The following TMEM187 variants were observed in gnomAD, a reference collection of about 807,000 sequenced individuals.
TMEM187 encodes chromosome X open reading frame 12.
In TMEM187, 14 loss-of-function variants were observed where a neutral mutation model predicts 11.8. The observed-to-expected ratio is 1.18, with a 90% confidence interval of 0.78 to 1.85. The LOEUF is 1.85. Ranked by LOEUF, TMEM187 falls within the 40% of genes most tolerant of loss-of-function variation. The pLI, the probability that TMEM187 is intolerant of heterozygous loss-of-function variation, is 0.00. For synonymous variants in TMEM187, 112 were observed against 118.5 expected (o/e 0.95, Z 0.36); for missense variants, 227 against 243.9 (o/e 0.93, Z 0.46).
At position 153,982,842 on chromosome X, in the gene TMEM187, G is replaced by C. The variant is rs781906782; in HGVS notation, c.780G>C (p.Thr260=). 4.1e-6 allele frequency: 5 copies of C among 1,212,133 alleles called. No homozygotes were observed. The highest frequency in any genetic ancestry group is 5.6e-6 in the Non-Finnish European group (5 of 895,619). The change falls in exon 2 of 2, where the codon ACG becomes ACC. Residue 260 remains threonine (T), a synonymous_variant. Transcript: ENST00000369982. ...HPRFHPSGGK[T]R ...GATTCCATCCCTCTGGCGGGAAGAC[G>C]CGTTGAACCCAGGGAAGAACCTGCT...
intron 1 of TMEM187, among the ~76,000 whole-genome samples, chrX:153,974,153 AC>A (rs201309140): frequency 0.012 from 1,354 of 112,058 alleles, 17 homozygotes; most frequent in African/African-American, 0.041. Context: ...GTCAGCCCGT[AC>A]CCCCGGTCAG....
At chrX:153,978,886 A>C (rs2065587978) in intron 1 of TMEM187, among the ~76,000 whole-genome samples, 2 of 110,476 alleles carry the variant, frequency 1.8e-5, no homozygotes, top group Admixed American at 9.6e-5. Context: ...TCCTGGGTTC[A>C]AGCAATTCTC....
At chrX:153,978,262 A>G (rs1477319771) in intron 1 of TMEM187, among the ~76,000 whole-genome samples, 3 of 95,556 alleles carry the variant, frequency 3.1e-5, no homozygotes, top group Non-Finnish European at 5.9e-5. Context: ...AGTGGTCTGC[A>G]TATACAGATA....
chrX:153,972,906 C>T, intron 1 of TMEM187, 46 bp downstream of exon 1: 1 of 116,804 alleles, frequency 8.6e-6, no homozygotes. Flanking sequence ...GGCCTCGCCC[C>T]CACGTTTCGC....
rs2065607819 is a variant in TMEM187, at chrX:153,982,404, G to A, written c.342G>A (p.Leu114=). The change falls in exon 2 of 2, where the codon CTG becomes CTA. Residue 114 remains leucine (L), a synonymous_variant. Transcript: ENST00000369982. ...CGCAGTGGCGCCGTGCCGCGGTGCT[G>A]GACCAGTGGCTCACACTGCCCATCT... ...LWTQWRRAAV[L]DQWLTLPIFA... The A allele has an allele frequency of 8.3e-7, 1 of 1,199,695 alleles. No homozygotes were observed. The highest frequency in any genetic ancestry group is 1.7e-5 in the African/African-American group (1 of 57,701).
intron 1 of TMEM187, among the ~76,000 whole-genome samples, chrX:153,977,676 C>T (rs2065581870): frequency 1.1e-5 from 1 of 87,178 alleles, no homozygotes; most frequent in Admixed American, 1.4e-4. Flanking sequence ...TTTGGGAGGC[C>T]GAGGCGGGCG....
intron 1 of TMEM187, among the ~76,000 whole-genome samples, chrX:153,979,217 C>T (rs782305435): frequency 2.7e-5 from 3 of 109,411 alleles, no homozygotes; most frequent in South Asian, 3.9e-4. Context: ...TGAGCCACTG[C>T]GCCTAGCTTT....
intron 1 of TMEM187, among the ~76,000 whole-genome samples, chrX:153,973,610 G>T (rs1557121023): frequency 9.0e-6 from 1 of 111,495 alleles, no homozygotes; most frequent in African/African-American, 3.3e-5. Flanking sequence ...TTGAGCCAGG[G>T]AGTTCAGGGC....
chrX:153,973,153 A>G (rs1557120934), intron 1 of TMEM187, among the ~76,000 whole-genome samples: 1 of 113,036 alleles, frequency 8.8e-6, no homozygotes, highest in Non-Finnish European at 1.9e-5. Context: ...CTTTGAAGTT[A>G]CTGAAGTTAT....
chrX:153,982,350 T>A lies in TMEM187; in HGVS notation c.288T>A (p.Tyr96Ter), dbSNP rs1557122652. The change falls in exon 2 of 2, where the codon TAT becomes TAA. Residue 96 changes from tyrosine (Y) to a stop codon, truncating the protein, a stop_gained. Transcript: ENST00000369982. LOFTEE classifies it high-confidence loss of function. ...KDVFAAMALL[Y>*]GPVQWLRLWT... ...TGTTCGCAGCCATGGCCCTGCTCTA[T>A]GGCCCCGTGCAGTGGCTGCGCCTGT... The A allele has an allele frequency of 2.5e-6, 3 of 1,206,215 alleles. No homozygotes were observed. In the East Asian group the frequency reaches 8.9e-5, roughly 36 times the overall value.
intron 1 of TMEM187, among the ~76,000 whole-genome samples, chrX:153,979,472 G>T (rs1202421382): frequency 1.8e-5 from 2 of 109,181 alleles, no homozygotes; most frequent in African/African-American, 6.7e-5. Context: ...CTCTCACCTT[G>T]GCCTTCCAAA....
At chrX:153,981,702 G>C (rs1406126475) in intron 1 of TMEM187, 148 bp from the exon 2 acceptor site, 2 of 333,287 alleles carry the variant, frequency 6.0e-6, no homozygotes, top group Non-Finnish European at 1.1e-5. Context: ...GATTCTAGAG[G>C]CTTGAGAGAG....
chrX:153,973,684 AACACACAC>A (rs3055213), intron 1 of TMEM187, among the ~76,000 whole-genome samples: 90 of 106,173 alleles, frequency 8.5e-4, no homozygotes, highest in African/African-American at 3.0e-3. Flanking sequence ...CTGTCTCAAA[AACACACAC>A]ACACACACAC....
intron 1 of TMEM187, among the ~76,000 whole-genome samples, chrX:153,974,158 C>T (rs1484377537): frequency 1.8e-5 from 2 of 112,407 alleles, no homozygotes; most frequent in Middle Eastern, 4.6e-3. Context: ...CCCGTACCCC[C>T]GGTCAGATAG....
intron 1 of TMEM187, among the ~76,000 whole-genome samples, chrX:153,977,478 A>G (rs1255430829): frequency 2.7e-5 from 3 of 110,631 alleles, no homozygotes; most frequent in Non-Finnish European, 5.7e-5. Context: ...GCCGGGCGTG[A>G]TGGCCCGCCT....
At chrX:153,973,366 C>G (rs1478272458) in intron 1 of TMEM187, among the ~76,000 whole-genome samples, 1 of 112,656 alleles carries the variant, frequency 8.9e-6, no homozygotes, top group Non-Finnish European at 1.9e-5. Flanking sequence ...TGTGCCACCA[C>G]CTGCTCTTTG....
In TMEM187 at chrX:153,982,689, G is replaced by T. The variant is rs781978591; in HGVS notation, c.627G>T (p.Leu209=). ...LSCLGFVVLK[L]CDHQLARWRL... The stretch of plus-strand genomic sequence containing the variant: ...GCCTGGGCTTTGTGGTCCTCAAGCT[G>T]TGTGACCATCAGCTCGCACGGTGGC... Residue 209 remains leucine, a synonymous_variant, in exon 2 of 2, where the codon CTG becomes CTT. Transcript: ENST00000369982. The T allele has an allele frequency of 8.2e-7, 1 of 1,212,441 alleles. No individual in the cohort carries two copies. Among genetic ancestry groups the T allele is most frequent in the South Asian group, 1.8e-5 (1 of 57,068 alleles).
intron 1 of TMEM187, among the ~76,000 whole-genome samples, chrX:153,978,306 TCGCCCAGGCTGGAGTGCAGTGGCA>T (rs1464647045): frequency 9.4e-6 from 1 of 106,650 alleles, no homozygotes; most frequent in Admixed American, 1.0e-4. Flanking sequence ...TCTCATTCTG[TCGCCCAGGCTGGAGTGCAGTGGCA>T]CGATCTTGGC....
At position 153,982,362 on chromosome X, in the gene TMEM187, G is replaced by A. The variant is rs1557122659; in HGVS notation, c.300G>A (p.Gln100=). 4.2e-6 allele frequency: 5 copies of A among 1,204,057 alleles called. No individual in the cohort carries two copies. The highest frequency in any genetic ancestry group is 2.2e-5 in the Admixed American group (1 of 45,471). The change falls in exon 2 of 2, where the codon CAG becomes CAA. Residue 100 remains glutamine, a synonymous_variant. Coordinates refer to ENST00000369982, the MANE Select transcript of TMEM187 (RefSeq NM_003492.3). The part of the protein sequence containing the change: ...AAMALLYGPV[Q]WLRLWTQWRR... The stretch of plus-strand genomic sequence containing the variant: ...TGGCCCTGCTCTATGGCCCCGTGCA[G>A]TGGCTGCGCCTGTGGACGCAGTGGC...
Sources: allele counts gnomAD v4.1 joint callset (sites outside exome capture counted in the v4.1 genomes callset), GRCh38; gene constraint gnomAD v4.1.1; transcripts MANE v1.5; gene names NCBI Gene and HGNC (gene_info 2026-07-23, HGNC 2026-07-21).